SLC39A11: variants seen among roughly 807,000 people sequenced by gnomAD.
SLC39A11 encodes zinc transporter ZIP11.
Under a neutral mutation model 36.1 loss-of-function variants are expected in SLC39A11, and 33 were observed. The observed-to-expected ratio is 0.91, with a 90% CI of 0.69 to 1.22. The LOEUF (loss-of-function observed/expected upper bound fraction) is 1.22, where lower values mean the gene tolerates loss of function less well. Among genes scored for constraint, SLC39A11 ranks in the 50% most tolerant of loss-of-function variants. The pLI, the probability that SLC39A11 is intolerant of heterozygous loss-of-function variation, is 0.00. For synonymous variants in SLC39A11, 166 were observed against 170.3 expected, an observed-to-expected ratio of 0.97 and a Z score of 0.20; for missense variants, 432 against 430.3, an observed-to-expected ratio of 1.00 and a Z score of -0.03.
chr17:72,868,643 A>G (rs2080442173), intron 5 of SLC39A11, among the ~76,000 whole-genome samples: 1 of 150,050 alleles, frequency 6.7e-6, no homozygotes, highest in Non-Finnish European at 1.5e-5. Context: ...AAAAAAAAAA[A>G]AAAAAAGAAA....
At chr17:72,904,106 G>A (rs1329347896) in intron 5 of SLC39A11, among the ~76,000 whole-genome samples, 40 of 152,288 alleles carry the variant, frequency 2.6e-4, no homozygotes, top group Admixed American at 2.6e-3. Context: ...AGATGACACA[G>A]AAACTGCAGT....
chr17:73,031,754 G>T, intron 3 of SLC39A11, 40 bp from the exon 4 acceptor site: 11 of 1,602,604 alleles, frequency 6.9e-6, no homozygotes, highest in Non-Finnish European at 9.4e-6. Flanking sequence ...TAAAGCAACT[G>T]CAGAAGGCTT....
At chr17:72,981,942 A>C (rs1209766412) in intron 4 of SLC39A11, among the ~76,000 whole-genome samples, 1 of 152,204 alleles carries the variant, frequency 6.6e-6, no homozygotes, top group Non-Finnish European at 1.5e-5. Flanking sequence ...TGCTAAGCTG[A>C]CTAATAAGAC....
chr17:72,963,636 C>T (rs919678009), intron 4 of SLC39A11, among the ~76,000 whole-genome samples: 1 of 152,148 alleles, frequency 6.6e-6, no homozygotes, highest in African/African-American at 2.4e-5. Context: ...TAAGATGTAG[C>T]GCTCCACCAA....
At chr17:72,748,949 C>A (rs1194434820) in intron 6 of SLC39A11, among the ~76,000 whole-genome samples, 1 of 152,214 alleles carries the variant, frequency 6.6e-6, no homozygotes, top group Non-Finnish European at 1.5e-5. Flanking sequence ...CCGCAGTCTA[C>A]CCTCCGGGCC....
At chr17:72,682,105 A>T (rs2071534313) in intron 7 of SLC39A11, among the ~76,000 whole-genome samples, 1 of 143,276 alleles carries the variant, frequency 7.0e-6, no homozygotes, top group South Asian at 2.1e-4. Flanking sequence ...CCGCACATGC[A>T]AGGGACCTAC....
intron 3 of SLC39A11, among the ~76,000 whole-genome samples, chr17:73,077,260 G>T (rs2060353518): frequency 6.6e-6 from 1 of 152,164 alleles, no homozygotes; most frequent in African/African-American, 2.4e-5. Flanking sequence ...CATTCCCTAT[G>T]CATCTGGGGA....
Position 72,882,484 on chromosome 17 carries a change from T to C in SLC39A11, c.431-32680A>G, listed in dbSNP as rs192913577. Among the ~76,000 whole-genome samples, 58 of 152,300 alleles carry C rather than the reference T, an allele frequency of 3.8e-4. 1 individual carries two copies. In the East Asian group the frequency reaches 0.011, roughly 29 times the overall value. On this transcript the variant is annotated intron_variant, in intron 5 of 9. Transcript: ENST00000255559. The stretch of plus-strand genomic sequence containing the variant: ...TCCAAGTACGATGATTAGGAAGCTT[T>C]TTCTGAACTCAGCAACTATCACAGA...
intron 5 of SLC39A11, among the ~76,000 whole-genome samples, chr17:72,894,265 G>A (rs1441264794): frequency 7.4e-6 from 1 of 135,248 alleles, no homozygotes; most frequent in African/African-American, 3.1e-5. Context: ...TGGAGGCTGA[G>A]GCATGAGAAT....
intron 7 of SLC39A11, among the ~76,000 whole-genome samples, chr17:72,654,658 C>G (rs1170873195): frequency 6.6e-6 from 1 of 152,208 alleles, no homozygotes; most frequent in East Asian, 1.9e-4. Flanking sequence ...TGACCTTTTG[C>G]AAAGTCCGAA....
At chr17:72,777,263 G>A (rs2076167683) in intron 6 of SLC39A11, among the ~76,000 whole-genome samples, 1 of 152,166 alleles carries the variant, frequency 6.6e-6, no homozygotes, top group Admixed American at 6.5e-5. Flanking sequence ...CAGGTCAAAG[G>A]GGACTGGGGC....
intron 7 of SLC39A11, among the ~76,000 whole-genome samples, chr17:72,719,084 C>CA (rs34226537): frequency 0.011 from 1,569 of 145,874 alleles, 9 homozygotes; most frequent in African/African-American, 0.016. Flanking sequence ...ACTAAAAATA[C>CA]AAAAAAAAAA....
At chr17:72,803,049 C>T (rs1052314063) in intron 6 of SLC39A11, among the ~76,000 whole-genome samples, 2 of 152,216 alleles carry the variant, frequency 1.3e-5, no homozygotes, top group East Asian at 1.9e-4. Context: ...CAAACAAAAA[C>T]GGAACGTCCT....
At chr17:72,762,120 T>C (rs559548396) in intron 6 of SLC39A11, among the ~76,000 whole-genome samples, 1 of 152,308 alleles carries the variant, frequency 6.6e-6, no homozygotes, top group East Asian at 1.9e-4. Flanking sequence ...CCATCTTGAA[T>C]AGGGGCTGCG....
At chr17:73,057,378 G>A (rs2059701540) in intron 3 of SLC39A11, among the ~76,000 whole-genome samples, 1 of 152,190 alleles carries the variant, frequency 6.6e-6, no homozygotes, top group African/African-American at 2.4e-5. Flanking sequence ...GTGACTCATT[G>A]ATGAGAAAAA....
intron 3 of SLC39A11, among the ~76,000 whole-genome samples, chr17:73,074,576 T>C (rs765042085): frequency 2.0e-5 from 3 of 152,018 alleles, no homozygotes; most frequent in South Asian, 2.1e-4. Context: ...GGATTACAGG[T>C]GTGAGCCACC....
At chr17:72,717,793 C>T (rs978478583) in intron 7 of SLC39A11, among the ~76,000 whole-genome samples, 1 of 152,226 alleles carries the variant, frequency 6.6e-6, no homozygotes, top group Non-Finnish European at 1.5e-5. Flanking sequence ...CTGGAACTTA[C>T]AGGACAGGTC....
At chr17:72,886,072 C>T (rs1185589813) in intron 5 of SLC39A11, among the ~76,000 whole-genome samples, 1 of 152,150 alleles carries the variant, frequency 6.6e-6, no homozygotes, top group East Asian at 1.9e-4. Flanking sequence ...AACCTTTCTC[C>T]CCCAGTATTC....
intron 3 of SLC39A11, among the ~76,000 whole-genome samples, chr17:73,038,737 A>G (rs1045215445): frequency 1.6e-5 from 2 of 125,244 alleles, no homozygotes; most frequent in Admixed American, 9.3e-5. Context: ...GAGAGAGAGA[A>G]AGAAAGGAGG....
Sources: allele counts gnomAD v4.1 joint callset (sites outside exome capture counted in the v4.1 genomes callset), GRCh38; gene constraint gnomAD v4.1.1; transcripts MANE v1.5; gene names NCBI Gene and HGNC (gene_info 2026-07-23, HGNC 2026-07-21).